The following HIVEP3 variants were observed in gnomAD, a reference collection of about 807,000 sequenced individuals.
HIVEP3 encodes the protein HIVEP zinc finger 3.
A neutral mutation model predicts 152.8 loss-of-function variants in HIVEP3; 49 were observed. The observed-to-expected ratio is 0.32, with a 90% CI of 0.26 to 0.41. The LOEUF (loss-of-function observed/expected upper bound fraction) is 0.41, where lower values mean the gene tolerates loss of function less well. Among genes scored for constraint, HIVEP3 ranks in the 10% least tolerant of loss-of-function variants. HIVEP3 has a pLI of 1.00. For missense variants in HIVEP3, 2,790 were observed against 3,103.3 expected, an observed-to-expected ratio of 0.90 and a Z score of 2.40; for synonymous variants, 1,269 against 1,289.0, an observed-to-expected ratio of 0.98 and a Z score of 0.33.
intron 1 of HIVEP3, among the ~76,000 whole-genome samples, chr1:41,792,967 G>A (rs1649784270): frequency 6.6e-6 from 1 of 152,148 alleles, no homozygotes; most frequent in Non-Finnish European, 1.5e-5. Context: ...GAATGTTCAG[G>A]GGATCCTGGA....
intron 1 of HIVEP3, among the ~76,000 whole-genome samples, chr1:42,021,297 G>T (rs1645552216): frequency 6.6e-6 from 1 of 152,168 alleles, no homozygotes; most frequent in Admixed American, 6.5e-5. Context: ...GAAGTGCTCA[G>T]ATCCAGGCTG....
chr1:41,548,355 C>T (rs1469108220), intron 5 of HIVEP3, among the ~76,000 whole-genome samples: 1 of 152,212 alleles, frequency 6.6e-6, no homozygotes, highest in African/African-American at 2.4e-5. Context: ...TGCCTGCGCT[C>T]TTGGCTCCCA....
intron 1 of HIVEP3, among the ~76,000 whole-genome samples, chr1:41,855,632 G>A (rs1048670274): frequency 3.9e-5 from 6 of 152,048 alleles, no homozygotes; most frequent in Non-Finnish European, 5.9e-5. Flanking sequence ...GTCAAAAATC[G>A]ATCTTTTCCT....
rs978773973 is a variant in HIVEP3 at position 41,873,616 on chromosome 1, G to A, written c.-801+44797C>T. ...ATAAATTTAGGTTTTCTGTATTCTC[G>A]CTGACTTGTGTTTTTCACACTGGCT... On this transcript the variant is annotated intron_variant, in intron 1 of 8. Transcript: ENST00000372583. The surrounding 1 kb of genome is among the most constrained non-coding windows in gnomAD (Gnocchi z 4.2). 1.3e-5 allele frequency among the ~76,000 whole-genome samples: 2 copies of A among 152,112 alleles called. No homozygotes were observed. The highest frequency in any genetic ancestry group is 4.8e-5 in the African/African-American group (2 of 41,400).
rs557131101 is a variant in HIVEP3, at chr1:41,775,322, C to G, written c.-800-74327G>C. Among the ~76,000 whole-genome samples the G allele has an allele frequency of 1.6e-3, 251 of 152,304 alleles. 1 individual carries two copies. Among genetic ancestry groups the G allele is most frequent in the Middle Eastern group, 6.8e-3 (2 of 294 alleles). ...ATATAAATTTGAATGGCAATATACT[C>G]CCTTAAGAGGGACTTCAGACACTAT... On this transcript the variant is annotated intron_variant, in intron 1 of 8. Transcript: ENST00000372583.
At chr1:41,846,404 T>C (rs1643445958) in intron 1 of HIVEP3, among the ~76,000 whole-genome samples, 1 of 152,218 alleles carries the variant, frequency 6.6e-6, no homozygotes. Context: ...TTAACTCCTG[T>C]TGGATTTTTC....
intron 1 of HIVEP3, among the ~76,000 whole-genome samples, chr1:41,822,351 T>C (rs939001010): frequency 3.9e-5 from 6 of 152,192 alleles, no homozygotes; most frequent in African/African-American, 1.2e-4. Context: ...CCAAATCCTA[T>C]GGACAAAGTG....
At chr1:41,710,122 T>A (rs184596943) in intron 1 of HIVEP3, among the ~76,000 whole-genome samples, 68 of 152,198 alleles carry the variant, frequency 4.5e-4, no homozygotes, top group African/African-American at 1.6e-3. Flanking sequence ...CTGCCCTCCA[T>A]CCCATTCTTC....
chr1:41,692,092 T>C (rs11210511), intron 2 of HIVEP3, among the ~76,000 whole-genome samples: 7,201 of 152,094 alleles, frequency 0.047, 311 homozygotes, highest in African/African-American at 0.12. Context: ...GATCCACCTG[T>C]CTCAGCCTCC....
chr1:41,958,552 G>C (rs766826720), intron 1 of HIVEP3, among the ~76,000 whole-genome samples: 24 of 152,264 alleles, frequency 1.6e-4, no homozygotes, highest in Non-Finnish European at 2.8e-4. Context: ...CAGGGCCGGG[G>C]GTCACAAGCT....
At chr1:41,601,829 GAA>G (rs1644752137) in intron 3 of HIVEP3, among the ~76,000 whole-genome samples, 3 of 152,064 alleles carry the variant, frequency 2.0e-5, no homozygotes, top group African/African-American at 7.2e-5. Flanking sequence ...TGATTTTAGA[GAA>G]AAAACTTTTC....
At chr1:41,939,877 T>C (rs1645037224) in intron 1 of HIVEP3, among the ~76,000 whole-genome samples, 1 of 152,138 alleles carries the variant, frequency 6.6e-6, no homozygotes, top group South Asian at 2.1e-4. Flanking sequence ...ATTGTTTTTA[T>C]TTCCCATTTT....
intron 1 of HIVEP3, among the ~76,000 whole-genome samples, chr1:41,826,121 CCTCT>C (rs1642795352): frequency 1.3e-5 from 2 of 152,302 alleles, no homozygotes; most frequent in South Asian, 2.1e-4. Context: ...TTTGCAGTCT[CCTCT>C]CTCATAAGTG....
intron 1 of HIVEP3, among the ~76,000 whole-genome samples, chr1:41,953,253 G>A (rs907167403): frequency 2.0e-5 from 3 of 152,168 alleles, no homozygotes; most frequent in Admixed American, 2.0e-4. Flanking sequence ...GATTATGAGG[G>A]AGGCAGCGGC....
chr1:41,754,506 C>T (rs1647229467), intron 1 of HIVEP3, among the ~76,000 whole-genome samples: 1 of 152,228 alleles, frequency 6.6e-6, no homozygotes, highest in South Asian at 2.1e-4. Context: ...TTGGGCTTTT[C>T]TGCAGAGCGA....
intron 1 of HIVEP3, among the ~76,000 whole-genome samples, chr1:41,892,680 G>T (rs1450308884): frequency 6.6e-6 from 1 of 152,170 alleles, no homozygotes; most frequent in East Asian, 1.9e-4. Context: ...AACCAGCTGT[G>T]CCTCCAAGAA....
At chr1:41,653,953 C>CA (rs55707109) in intron 2 of HIVEP3, among the ~76,000 whole-genome samples, 758 of 46,198 alleles carry the variant, frequency 0.016, 44 homozygotes, top group East Asian at 0.063. Context: ...TTTTCTACTG[C>CA]AAAAAAAAAA....
At chr1:41,545,384 C>CACT (rs199777950) in intron 5 of HIVEP3, among the ~76,000 whole-genome samples, 2 of 63,884 alleles carry the variant, frequency 3.1e-5, no homozygotes, top group African/African-American at 1.5e-4. Flanking sequence ...CCACTACCAC[C>CACT]ACCACCAATA....
chr1:41,836,650 T>C (rs113100879), intron 1 of HIVEP3, among the ~76,000 whole-genome samples: 114 of 152,326 alleles, frequency 7.5e-4, no homozygotes, highest in Non-Finnish European at 1.4e-3. Flanking sequence ...CAATTCTCAT[T>C]TATTTCTCAT....
Sources: allele counts gnomAD v4.1 joint callset (sites outside exome capture counted in the v4.1 genomes callset), GRCh38; gene constraint gnomAD v4.1.1; non-coding constraint Gnocchi (gnomAD v3.1); transcripts MANE v1.5; gene names NCBI Gene and HGNC (gene_info 2026-07-23, HGNC 2026-07-21).